Variants in IARS1 observed in about 807,000 individuals in gnomAD.
IARS1 encodes isoleucine--tRNA ligase, cytoplasmic.
In IARS1, 124 loss-of-function variants were observed where a neutral mutation model predicts 168.2. That is an observed-to-expected ratio of 0.74 (90% confidence interval 0.64 to 0.86). The LOEUF (loss-of-function observed/expected upper bound fraction) is 0.86, where lower values mean the gene tolerates loss of function less well. IARS1 is among the 40% of genes least tolerant of loss of function. The pLI is 0.00. For missense variants in IARS1, 1,452 were observed against 1,515.8 expected (o/e 0.96, Z 0.70); for synonymous variants, 532 against 529.4 (o/e 1.00, Z -0.07).
chr9:92,260,089 G>C, intron 18 of IARS1, 62 bp downstream of exon 18: 1 of 1,073,768 alleles, frequency 9.3e-7, no homozygotes, highest in Non-Finnish European at 1.5e-6. Context: ...CTGATTAATA[G>C]TATAGGAGAT....
intron 20 of IARS1, chr9:92,253,952 C>A: frequency 2.2e-6 from 1 of 448,432 alleles, no homozygotes; most frequent in Non-Finnish European, 4.5e-6. Context: ...CATTTGTCAA[C>A]GTTTGGAGAA....
At chr9:92,256,982 T>C (rs950001647) in intron 19 of IARS1, among the ~76,000 whole-genome samples, 182 bp from the exon 20 acceptor site, 1 of 152,248 alleles carries the variant, frequency 6.6e-6, no homozygotes, top group Non-Finnish European at 1.5e-5. Flanking sequence ...CATTAAGTCC[T>C]CAATTAATTT....
rs1828987514 is a variant in IARS1, at chr9:92,245,069, T to A, written c.2794A>T (p.Thr932Ser). The A allele has an allele frequency of 6.2e-7, 1 of 1,613,552 alleles. No homozygotes were observed. Among genetic ancestry groups the A allele is most frequent in the African/African-American group, 1.3e-5 (1 of 74,874 alleles). ...EELEQFQKTG[T>S]IVVEGHELHD... ...AATTCATGGCCTTCCACAACAATGG[T>A]CCCTATGGAGAAGCAGCTACACTGT... The change falls in exon 27 of 34, where the codon ACC (threonine) becomes TCC (serine). Residue 932 changes from threonine (T) to serine (S), a missense_variant and splice_region_variant. By Grantham distance (58) the Thr-to-Ser change is moderately conservative. Coordinates refer to ENST00000443024, the MANE Select transcript of IARS1 (RefSeq NM_002161.6).
chr9:92,285,928 G>T, intron 5 of IARS1, 89 bp from the exon 6 acceptor site: 1 of 759,576 alleles, frequency 1.3e-6, no homozygotes, highest in Non-Finnish European at 2.3e-6. Flanking sequence ...TAGAGTTTCT[G>T]TCTGCCAAAT....
chr9:92,271,435 A>G, intron 11 of IARS1, 98 bp downstream of exon 11: 1 of 1,502,880 alleles, frequency 6.7e-7, no homozygotes, highest in Non-Finnish European at 9.2e-7. Flanking sequence ...AAAACCAAAT[A>G]AAAACAACTT....
At chr9:92,266,784 C>T (rs974227770) in intron 14 of IARS1, among the ~76,000 whole-genome samples, 1 of 152,206 alleles carries the variant, frequency 6.6e-6, no homozygotes, top group African/African-American at 2.4e-5. Context: ...GGCTCCTGTC[C>T]AGCCTTCCAT....
intron 12 of IARS1, 27 bp from the exon 13 acceptor site, chr9:92,270,010 C>CT (rs1564180838): frequency 5.5e-6 from 8 of 1,454,484 alleles, no homozygotes; most frequent in Admixed American, 3.3e-5. Context: ...ACACACATAG[C>CT]TGCTCAGGCT....
intron 16 of IARS1, among the ~76,000 whole-genome samples, 153 bp from the exon 17 acceptor site, chr9:92,263,208 C>T (rs986758604): frequency 6.6e-6 from 1 of 152,138 alleles, no homozygotes; most frequent in Non-Finnish European, 1.5e-5. Flanking sequence ...TTACTGGAGA[C>T]CAATCAAATT....
rs1366822457 is a variant in IARS1 at position 92,210,589 on chromosome 9, T to C, written c.*218A>G. 2.2e-6 allele frequency: 1 copy of C among 458,604 alleles called. No individual in the cohort carries two copies. The highest frequency in any genetic ancestry group is 2.0e-5 in the African/African-American group (1 of 51,034). The allele number at this position is 458,604 out of a possible 1,614,324, so 28.4% of individuals were successfully genotyped here. A position where few individuals can be genotyped will look rare whatever the true frequency, so the allele number is the denominator to read the frequency against. ...GTAACATTGTAACCTGCTCCCAACA[T>C]GACTGCATAGGTGTCTAAGGTTAAG... On this transcript the variant is annotated 3_prime_UTR_variant, in exon 34 of 34. Transcript: ENST00000443024.
At chr9:92,246,132 G>A (rs9409467) in intron 26 of IARS1, among the ~76,000 whole-genome samples, 17,102 of 152,200 alleles carry the variant, frequency 0.11, 1,104 homozygotes, top group South Asian at 0.22. Flanking sequence ...TTTGTGGCTT[G>A]AAGGCTCGTA....
chr9:92,293,133 C>A (rs891305054), intron 1 of IARS1, among the ~76,000 whole-genome samples: 7 of 152,198 alleles, frequency 4.6e-5, no homozygotes, highest in African/African-American at 7.2e-5. Flanking sequence ...CCGTCTCAAA[C>A]GTTTCCTCAA....
chr9:92,281,011 C>T (rs1834474281), intron 6 of IARS1, 118 bp from the exon 7 acceptor site: 3 of 550,224 alleles, frequency 5.5e-6, no homozygotes, highest in Non-Finnish European at 5.8e-6. Context: ...GAAGAAACCA[C>T]TTACCAGACT....
Position 92,251,899 on chromosome 9 carries a change from A to C in IARS1, c.2230-14T>G. The stretch of plus-strand genomic sequence containing the variant: ...CCCATTTTCACCCTAATGAGTAAAA[A>C]GGAAACATAAACATTAAACTGTTAA... On this transcript the variant is annotated splice_polypyrimidine_tract_variant and intron_variant, in intron 21 of 33. Coordinates refer to ENST00000443024, the MANE Select transcript of IARS1 (RefSeq NM_002161.6). The C allele has an allele frequency of 6.4e-7, 1 of 1,573,980 alleles. No homozygotes were observed. The highest frequency in any genetic ancestry group is 8.7e-7 in the Non-Finnish European group (1 of 1,143,942).
At chr9:92,220,553 G>A (rs989094271) in intron 33 of IARS1, among the ~76,000 whole-genome samples, 3 of 152,150 alleles carry the variant, frequency 2.0e-5, no homozygotes, top group Non-Finnish European at 4.4e-5. Flanking sequence ...GGAGGTGGAG[G>A]TTGCAACGAG....
Position 92,288,257 on chromosome 9 carries a change from AAGG to A in IARS1, c.142_144del (p.Pro48del). On this transcript the variant is annotated inframe_deletion, in exon 3 of 34. Coordinates refer to ENST00000443024, the MANE Select transcript of IARS1 (RefSeq NM_002161.6). ...CCATAGTGAGGCAGTCCAGTTGCAA[AAGG>A]AGGACCATCATAGAAGGTAAATCTA... The A allele has an allele frequency of 6.2e-7, 1 of 1,614,030 alleles. No homozygotes were observed. Among genetic ancestry groups the A allele is most frequent in the Non-Finnish European group, 8.5e-7 (1 of 1,179,952 alleles).
chr9:92,270,535 C>T (rs1421052430), intron 12 of IARS1, among the ~76,000 whole-genome samples: 1 of 152,148 alleles, frequency 6.6e-6, no homozygotes, highest in Non-Finnish European at 1.5e-5. Context: ...TGGCTCATGC[C>T]TGTAATCTCA....
rs186421274 is a variant in IARS1, at chr9:92,225,835, C to T, written c.3410-2346G>A. ...TATGCTAAACAGGCTAACATGGGGC[C>T]CGTGCCCTTGGCTTTCTCAGGTTGC... On this transcript the variant is annotated intron_variant, in intron 31 of 33. Transcript: ENST00000443024. 3.8e-3 allele frequency among the ~76,000 whole-genome samples: 584 copies of T among 152,282 alleles called. 4 individuals are homozygous for T. Among genetic ancestry groups the T allele is most frequent in the African/African-American group, 0.013 (551 of 41,540 alleles).
intron 23 of IARS1, 106 bp from the exon 24 acceptor site, chr9:92,250,395 G>C (rs568807682): frequency 1.3e-6 from 1 of 767,266 alleles, no homozygotes; most frequent in Non-Finnish European, 2.2e-6. Flanking sequence ...GAGAAGTGTG[G>C]CTAGGCCCTC....
intron 19 of IARS1, 104 bp downstream of exon 19, chr9:92,258,750 G>A (rs897636741): frequency 2.3e-5 from 27 of 1,193,154 alleles, no homozygotes; most frequent in Non-Finnish European, 3.1e-5. Flanking sequence ...AGGCAGCAGA[G>A]AACAGCAGCC....
Sources: gnomAD v4.1 joint callset for allele counts (sites outside exome capture counted in the v4.1 genomes callset) on GRCh38, gnomAD v4.1.1 for gene constraint, MANE v1.5 for transcripts, NCBI Gene and HGNC (gene_info 2026-07-23, HGNC 2026-07-21) for gene names.